Variants in CDH12 observed in about 807,000 individuals in gnomAD.
CDH12 encodes the protein cadherin-12.
CDH12 carries 41 observed loss-of-function variants against 74.1 expected under a neutral mutation model. The ratio of observed to expected loss-of-function variants is 0.55; its 90% CI spans 0.43 to 0.72. The LOEUF is 0.72. CDH12 is among the 30% of genes least tolerant of loss of function. The pLI is 0.00. For missense variants in CDH12, 945 were observed against 977.2 expected (o/e 0.97, Z 0.44); for synonymous variants, 399 against 355.0 (o/e 1.12, Z -1.39).
chr5:22,302,827 T>G (rs1272247908), intron 3 of CDH12, among the ~76,000 whole-genome samples: 1 of 152,060 alleles, frequency 6.6e-6, no homozygotes, highest in East Asian at 1.9e-4. Flanking sequence ...GAATGTTAAG[T>G]GCACTAGGAA....
intron 2 of CDH12, among the ~76,000 whole-genome samples, chr5:22,450,718 A>T (rs539389815): frequency 2.6e-5 from 4 of 151,946 alleles, no homozygotes; most frequent in African/African-American, 9.6e-5. Flanking sequence ...GCTTCAAATT[A>T]TCTAATGGTT....
At chr5:21,799,205 T>A (rs1746974588) in intron 10 of CDH12, among the ~76,000 whole-genome samples, 1 of 152,150 alleles carries the variant, frequency 6.6e-6, no homozygotes, top group Non-Finnish European at 1.5e-5. Context: ...TGGATGGTGT[T>A]CATGGTCTAG....
At chr5:22,366,068 C>T (rs565937923) in intron 3 of CDH12, among the ~76,000 whole-genome samples, 2 of 152,192 alleles carry the variant, frequency 1.3e-5, no homozygotes, top group East Asian at 1.9e-4. Context: ...AAGTGATTCT[C>T]CTGCCTCAGC....
chr5:22,206,679 CAAAAAAAAAAAA>C (rs71609754), intron 4 of CDH12, among the ~76,000 whole-genome samples: 2 of 55,282 alleles, frequency 3.6e-5, no homozygotes, highest in South Asian at 1.0e-3. Context: ...GATTCCACTG[CAAAAAAAAAAAA>C]AAAAAAAAAA....
At chr5:21,757,261 C>T (rs534884561) in intron 13 of CDH12, among the ~76,000 whole-genome samples, 14 of 152,202 alleles carry the variant, frequency 9.2e-5, no homozygotes, top group Non-Finnish European at 1.2e-4. Flanking sequence ...CTGCAACCTC[C>T]GCCTCCTGGG....
At chr5:21,782,168 G>T (rs369803393) in intron 11 of CDH12, among the ~76,000 whole-genome samples, 6 of 152,262 alleles carry the variant, frequency 3.9e-5, no homozygotes, top group Non-Finnish European at 1.5e-5. Flanking sequence ...GAGCTGAGCT[G>T]GAATTGTCAA....
In CDH12 at chr5:21,882,711, A is replaced by T; in HGVS notation, c.527-27921T>A. The stretch of plus-strand genomic sequence containing the variant: ...GCAGATGCCCGAGCCTTAATGCTTC[A>T]AGGTGTAGGTAGACCTTTTAGCCGA... On this transcript the variant is annotated intron_variant, in intron 6 of 14. Coordinates refer to ENST00000382254, the MANE Select transcript of CDH12 (RefSeq NM_004061.5). 2.0e-6 allele frequency: 3 copies of T among 1,466,628 alleles called. No homozygotes were observed. The South Asian group carries it at 3.5e-5, about 17-fold the overall frequency. 90.9% of individuals were successfully genotyped at this position (1,466,628 alleles called of 1,614,324 possible).
At chr5:22,635,143 T>C (rs1738773988) in intron 1 of CDH12, among the ~76,000 whole-genome samples, 1 of 152,156 alleles carries the variant, frequency 6.6e-6, no homozygotes, top group Non-Finnish European at 1.5e-5. Flanking sequence ...AGCATAAGAA[T>C]AGACATAGAG....
chr5:22,803,003 G>GC (rs1351156238), intron 1 of CDH12, among the ~76,000 whole-genome samples: 1 of 152,062 alleles, frequency 6.6e-6, no homozygotes, highest in East Asian at 1.9e-4. Context: ...ACTTAACCAA[G>GC]CCTCTAGGTT....
intron 5 of CDH12, among the ~76,000 whole-genome samples, chr5:22,049,031 T>C (rs996445850): frequency 6.6e-6 from 1 of 152,172 alleles, no homozygotes; most frequent in Non-Finnish European, 1.5e-5. Context: ...AGTTTGTTGC[T>C]TATATTTATG....
intron 11 of CDH12, among the ~76,000 whole-genome samples, chr5:21,770,146 C>T (rs1173568681): frequency 1.3e-5 from 2 of 152,128 alleles, no homozygotes; most frequent in Non-Finnish European, 2.9e-5. Context: ...ATTCAAAGGA[C>T]AAGGCAGAGC....
chr5:21,788,789 C>T (rs1746335527), intron 10 of CDH12, among the ~76,000 whole-genome samples: 1 of 152,108 alleles, frequency 6.6e-6, no homozygotes, highest in Non-Finnish European at 1.5e-5. Context: ...TACCATTAAG[C>T]CACAGACATG....
chr5:22,568,915 T>TA (rs1423449343), intron 1 of CDH12, among the ~76,000 whole-genome samples: 1 of 152,202 alleles, frequency 6.6e-6, no homozygotes, highest in African/African-American at 2.4e-5. Context: ...GGTAATCTGT[T>TA]AATCTTTTTG....
chr5:22,700,841 A>G (rs949900203), intron 1 of CDH12, among the ~76,000 whole-genome samples: 3 of 152,208 alleles, frequency 2.0e-5, no homozygotes, highest in Admixed American at 6.5e-5. Context: ...CTTTGAGCCA[A>G]TTTAAAGTGG....
chr5:22,408,677 CA>C (rs1327645525), intron 2 of CDH12, among the ~76,000 whole-genome samples: 1 of 151,178 alleles, frequency 6.6e-6, no homozygotes, highest in Non-Finnish European at 1.5e-5. Context: ...ATTATGTGTG[CA>C]CATGTAAATG....
At chr5:22,631,594 T>C (rs1481558969) in intron 1 of CDH12, among the ~76,000 whole-genome samples, 3 of 152,118 alleles carry the variant, frequency 2.0e-5, no homozygotes, top group Non-Finnish European at 2.9e-5. Context: ...CGAGTATCCA[T>C]GGACACAAAT....
chr5:22,675,704 C>A (rs989838148), intron 1 of CDH12, among the ~76,000 whole-genome samples: 1 of 151,876 alleles, frequency 6.6e-6, no homozygotes, highest in Non-Finnish European at 1.5e-5. Flanking sequence ...TGCCTTTCAC[C>A]TTCCACCATG....
rs143166776 is a variant in CDH12 at position 21,857,771 on chromosome 5, C to T, written c.527-2981G>A. ...CCGATTTGGATATTGTATTGGTCAG[C>T]TCAGGCTGCAATAACAAAATACCAC... On this transcript the variant is annotated intron_variant, in intron 6 of 14. Coordinates refer to ENST00000382254, the MANE Select transcript of CDH12 (RefSeq NM_004061.5). Among the ~76,000 whole-genome samples, 198 of 151,940 alleles carry T rather than the reference C, an allele frequency of 1.3e-3. 1 individual carries two copies. The highest frequency in any genetic ancestry group is 4.5e-3 in the African/African-American group (187 of 41,504).
intron 2 of CDH12, among the ~76,000 whole-genome samples, chr5:22,449,593 G>A (rs532407279): frequency 6.6e-6 from 1 of 152,138 alleles, no homozygotes; most frequent in East Asian, 1.9e-4. Flanking sequence ...TGCATAGTCA[G>A]AAGATAACTT....
Sources: gnomAD v4.1 joint callset for allele counts (sites outside exome capture counted in the v4.1 genomes callset) on GRCh38, gnomAD v4.1.1 for gene constraint, MANE v1.5 for transcripts, NCBI Gene and HGNC (gene_info 2026-07-23, HGNC 2026-07-21) for gene names.